Variants in GRM8 observed in about 807,000 individuals in gnomAD.
GRM8 encodes the protein metabotropic glutamate receptor 8.
In GRM8, 47 loss-of-function variants were observed where a neutral mutation model predicts 87.2. The observed-to-expected ratio is 0.54, with a 90% CI of 0.43 to 0.69. GRM8 has a LOEUF of 0.69. Ranked by LOEUF, GRM8 falls within the 30% of genes least tolerant of loss-of-function variation. GRM8 has a pLI of 0.00. For synonymous variants in GRM8, 396 were observed against 404.5 expected (o/e 0.98, Z 0.25); for missense variants, 1,019 against 1,139.2 (o/e 0.89, Z 1.52).
chr7:126,690,540 TC>T (rs1808691699), intron 7 of GRM8, among the ~76,000 whole-genome samples: 1 of 152,150 alleles, frequency 6.6e-6, no homozygotes, highest in South Asian at 2.1e-4. Context: ...CTCAGGGAGT[TC>T]CTTGGTCTGG....
rs538562866 is a variant in GRM8 at position 127,009,223 on chromosome 7, T to G, written c.727+97273A>C. Among the ~76,000 whole-genome samples the G allele has an allele frequency of 1.2e-4, 18 of 152,252 alleles. No individual in the cohort carries two copies. The South Asian group carries it at 3.7e-3, about 32-fold the overall frequency. On this transcript the variant is annotated intron_variant, in intron 3 of 10. Coordinates refer to ENST00000339582, the MANE Select transcript of GRM8 (RefSeq NM_000845.3). The stretch of plus-strand genomic sequence containing the variant: ...AACTGATTGTGTTTCAAGTATGACC[T>G]AGAGTGATCTTTATCAACATTAAGA...
intron 3 of GRM8, among the ~76,000 whole-genome samples, chr7:126,945,999 G>A (rs1281956589): frequency 6.6e-6 from 1 of 152,192 alleles, no homozygotes; most frequent in Admixed American, 6.5e-5. Flanking sequence ...TGATTGCAGT[G>A]AAGCCTCAAT....
chr7:126,994,235 G>A (rs777001935), intron 3 of GRM8, among the ~76,000 whole-genome samples: 2 of 152,070 alleles, frequency 1.3e-5, no homozygotes, highest in African/African-American at 2.4e-5. Context: ...ACACACTCTC[G>A]GCCAGAAGAG....
At chr7:127,026,479 T>C (rs920192351) in intron 3 of GRM8, among the ~76,000 whole-genome samples, 3 of 152,188 alleles carry the variant, frequency 2.0e-5, no homozygotes, top group East Asian at 1.9e-4. Context: ...TGTAAAAGCA[T>C]TCCCATTTCT....
intron 9 of GRM8, among the ~76,000 whole-genome samples, chr7:126,470,404 T>C (rs943583848): frequency 2.9e-5 from 4 of 139,952 alleles, no homozygotes; most frequent in Non-Finnish European, 4.5e-5. Context: ...TGTGTTCTCA[T>C]TGTTCAATTC....
At chr7:127,099,569 T>C (rs911639534) in intron 3 of GRM8, among the ~76,000 whole-genome samples, 2 of 152,164 alleles carry the variant, frequency 1.3e-5, no homozygotes, top group African/African-American at 4.8e-5. Flanking sequence ...TTAGGTTACC[T>C]CATTTACCCA....
chr7:127,143,727 A>G (rs1165452512), intron 2 of GRM8, among the ~76,000 whole-genome samples: 1 of 152,100 alleles, frequency 6.6e-6, no homozygotes, highest in African/African-American at 2.4e-5. Context: ...GGCTTATTAT[A>G]TATGGAAAAA....
intron 3 of GRM8, among the ~76,000 whole-genome samples, chr7:127,048,768 A>T (rs11563776): frequency 0.25 from 38,610 of 152,226 alleles, 5,847 homozygotes; most frequent in Non-Finnish European, 0.35. Context: ...TTCATAAACT[A>T]TTTAATGTAT....
intron 9 of GRM8, among the ~76,000 whole-genome samples, chr7:126,525,417 G>T (rs1181632855): frequency 6.6e-6 from 1 of 152,094 alleles, no homozygotes; most frequent in Non-Finnish European, 1.5e-5. Flanking sequence ...ATTTTTCAGA[G>T]TTCTTTCTTT....
At chr7:126,591,039 T>C (rs557919054) in intron 8 of GRM8, among the ~76,000 whole-genome samples, 22 of 152,016 alleles carry the variant, frequency 1.4e-4, no homozygotes, top group Non-Finnish European at 2.1e-4. Context: ...AATACCAACA[T>C]TGAATGTAAA....
At chr7:126,674,831 GA>G (rs1157027010) in intron 7 of GRM8, among the ~76,000 whole-genome samples, 5 of 152,196 alleles carry the variant, frequency 3.3e-5, no homozygotes, top group Admixed American at 2.0e-4. Context: ...ATAATAGGGG[GA>G]AAAAAGAATC....
At chr7:126,929,875 A>AGAGCAG in intron 3 of GRM8, among the ~76,000 whole-genome samples, 1 of 16,400 alleles carries the variant, frequency 6.1e-5, no homozygotes, top group Non-Finnish European at 1.1e-4. Flanking sequence ...ACAAGATTTA[A>AGAGCAG]AATATAAAGA....
intron 9 of GRM8, among the ~76,000 whole-genome samples, chr7:126,469,864 C>G (rs551376414): frequency 7.8e-4 from 118 of 152,154 alleles, no homozygotes; most frequent in African/African-American, 2.7e-3. Context: ...GTGGAAACAA[C>G]TGTGGAACTG....
At chr7:126,500,353 A>G (rs1349476921) in intron 9 of GRM8, among the ~76,000 whole-genome samples, 1 of 151,952 alleles carries the variant, frequency 6.6e-6, no homozygotes, top group African/African-American at 2.4e-5. Flanking sequence ...CTTCGAATAG[A>G]AGGTGCTAGA....
intron 6 of GRM8, among the ~76,000 whole-genome samples, chr7:126,778,137 A>G (rs2151631177): frequency 6.6e-6 from 1 of 152,262 alleles, no homozygotes; most frequent in South Asian, 2.1e-4. Flanking sequence ...TACCTTATCT[A>G]TTTACAAAGG....
chr7:127,082,364 C>G (rs1476260614), intron 3 of GRM8, among the ~76,000 whole-genome samples: 1 of 151,902 alleles, frequency 6.6e-6, no homozygotes, highest in Non-Finnish European at 1.5e-5. Context: ...TCCAATAGAC[C>G]AGGAACAAGG....
chr7:126,580,972 A>G (rs1795554782), intron 8 of GRM8, among the ~76,000 whole-genome samples: 1 of 151,834 alleles, frequency 6.6e-6, no homozygotes, highest in Admixed American at 6.6e-5. Context: ...AAATAGAAAA[A>G]AAAACAATTA....
chr7:127,239,293 C>G (rs1166547453), intron 2 of GRM8, among the ~76,000 whole-genome samples: 1 of 152,174 alleles, frequency 6.6e-6, no homozygotes, highest in Non-Finnish European at 1.5e-5. Flanking sequence ...CTTAAAACCC[C>G]AATTTATGTT....
chr7:127,052,722 TAG>T (rs1459162776), intron 3 of GRM8, among the ~76,000 whole-genome samples: 4 of 152,182 alleles, frequency 2.6e-5, no homozygotes, highest in Admixed American at 1.3e-4. Context: ...ACCCCAACAT[TAG>T]ATATGATTCA....
Sources: gnomAD v4.1 joint callset for allele counts (sites outside exome capture counted in the v4.1 genomes callset) on GRCh38, gnomAD v4.1.1 for gene constraint, MANE v1.5 for transcripts, NCBI Gene and HGNC (gene_info 2026-07-23, HGNC 2026-07-21) for gene names.